Variants in SSX2IP observed in about 807,000 individuals in gnomAD.
SSX2IP encodes the protein afadin- and alpha-actinin-binding protein.
A neutral mutation model predicts 84.9 loss-of-function variants in SSX2IP; 55 were observed. The ratio of observed to expected loss-of-function variants is 0.65; its 90% CI spans 0.52 to 0.81. The LOEUF (loss-of-function observed/expected upper bound fraction) is 0.81, where lower values mean the gene tolerates loss of function less well. SSX2IP is among the 30% of genes least tolerant of loss of function. SSX2IP has a pLI of 0.00. For missense variants in SSX2IP, 664 were observed against 705.2 expected (o/e 0.94, Z 0.66); for synonymous variants, 239 against 234.7 (o/e 1.02, Z -0.17).
Position 84,647,509 on chromosome 1 carries a change from C to A in SSX2IP, c.1769G>T (p.Gly590Val). ...TCCACTATAGCAACCTTCCTGTGATCCAGGTCTTGATGCCACACTCCATTT... is the reference window on the plus strand; with the variant it reads ...TCCACTATAGCAACCTTCCTGTGATACAGGTCTTGATGCCACACTCCATTT... ...NQKWSVASRP[G>V]SQEGCYSGCS... The change falls in exon 14 of 14, where the codon GGA becomes GTA. Residue 590 changes from glycine to valine, a missense_variant. Coordinates refer to ENST00000342203, the MANE Select transcript of SSX2IP (RefSeq NM_001166293.2). 6.2e-7 allele frequency: 1 copy of A among 1,613,220 alleles called. No individual in the cohort carries two copies. Among genetic ancestry groups the A allele is most frequent in the Middle Eastern group, 1.7e-4 (1 of 6,058 alleles).
At position 84,646,501 on chromosome 1, in the gene SSX2IP, T is replaced by C. The variant is rs1007141035; in HGVS notation, c.*932A>G. ...AGTTAGTATACAGATATTACTATAC[T>C]GGTACCCATCTTGTAAGGAAAATAT... On this transcript the variant is annotated 3_prime_UTR_variant, in exon 14 of 14. Transcript: ENST00000342203. 1.3e-5 allele frequency: 2 copies of C among 152,748 alleles called. No homozygotes were observed. The highest frequency in any genetic ancestry group is 4.1e-4 in the South Asian group (2 of 4,826). 9.5% of individuals were successfully genotyped at this position (152,748 alleles called of 1,614,324 possible). A position where few individuals can be genotyped will look rare whatever the true frequency, so the allele number is the denominator to read the frequency against.
chr1:84,689,962 G>A (rs1001773666), intron 1 of SSX2IP, among the ~76,000 whole-genome samples: 2 of 151,684 alleles, frequency 1.3e-5, no homozygotes, highest in South Asian at 4.2e-4. Flanking sequence ...CATGCCCCAC[G>A]GCCGCTGCTG....
At chr1:84,675,129 A>T (rs1472007962) in intron 1 of SSX2IP, among the ~76,000 whole-genome samples, 3 of 152,260 alleles carry the variant, frequency 2.0e-5, no homozygotes, top group African/African-American at 7.2e-5. Context: ...TCACAAGCCC[A>T]TTTCAATTTG....
intron 3 of SSX2IP, chr1:84,670,280 T>C (rs1343151634): frequency 5.7e-6 from 1 of 175,482 alleles, no homozygotes; most frequent in Non-Finnish European, 1.2e-5. Context: ...TAGAAAACTA[T>C]CTTGAAATAG....
chr1:84,680,473 T>C (rs1011603901), intron 1 of SSX2IP: 3 of 152,104 alleles, frequency 2.0e-5, no homozygotes, highest in African/African-American at 7.3e-5. Flanking sequence ...TTAATAATTT[T>C]ATTAAATAAA....
At chr1:84,654,042 G>A (rs978398307) in intron 11 of SSX2IP, among the ~76,000 whole-genome samples, 5 of 152,050 alleles carry the variant, frequency 3.3e-5, no homozygotes, top group Non-Finnish European at 7.4e-5. Flanking sequence ...ATAAAGGTAA[G>A]AGAATATCCC....
intron 8 of SSX2IP, among the ~76,000 whole-genome samples, chr1:84,659,972 A>C (rs1570610777): frequency 6.6e-6 from 1 of 152,104 alleles, no homozygotes; most frequent in Non-Finnish European, 1.5e-5. Context: ...GGAGTTCGAG[A>C]CCAGCCTGGG....
intron 5 of SSX2IP, among the ~76,000 whole-genome samples, chr1:84,665,904 T>A (rs1474855069): frequency 6.6e-6 from 1 of 152,114 alleles, no homozygotes; most frequent in African/African-American, 2.4e-5. Context: ...TGAACTAATA[T>A]CTAAGCCAAA....
chr1:84,670,748 T>C lies in SSX2IP; in HGVS notation c.111A>G (p.Gln37=). Reference sequence around the variant, plus strand: ...ATAAAGGTATTGAAGAACATAGCACTTGCTGTGAGTATAAACTTGATGGAG... The same window carrying C: ...ATAAAGGTATTGAAGAACATAGCACCTGCTGTGAGTATAAACTTGATGGAG... ...KMSPSSLYSQ[Q]VLCSSIPLSK... Residue 37 remains glutamine, a synonymous_variant, in exon 3 of 14, where the codon CAA becomes CAG. Coordinates refer to ENST00000342203, the MANE Select transcript of SSX2IP (RefSeq NM_001166293.2). 1.2e-6 allele frequency: 2 copies of C among 1,613,102 alleles called. No individual in the cohort carries two copies. The highest frequency in any genetic ancestry group is 1.7e-6 in the Non-Finnish European group (2 of 1,179,366).
chr1:84,655,424 T>C (rs1346169196), intron 11 of SSX2IP: 1 of 1,289,226 alleles, frequency 7.8e-7, no homozygotes, highest in African/African-American at 1.5e-5. Flanking sequence ...ATAACAATGA[T>C]GGACTGGGGA....
intron 4 of SSX2IP, among the ~76,000 whole-genome samples, 189 bp from the exon 5 acceptor site, chr1:84,666,421 C>T (rs1652784536): frequency 6.6e-6 from 1 of 152,096 alleles, no homozygotes; most frequent in Non-Finnish European, 1.5e-5. Flanking sequence ...TTTAAACTTA[C>T]ACATCAAATT....
chr1:84,659,235 A>G (rs1442015534), intron 8 of SSX2IP, among the ~76,000 whole-genome samples: 3 of 152,234 alleles, frequency 2.0e-5, no homozygotes, highest in Admixed American at 6.5e-5. Context: ...AAAAGAAAGA[A>G]GGGCTGATTC....
intron 3 of SSX2IP, 113 bp from the exon 4 acceptor site, chr1:84,670,006 C>A: frequency 1.4e-6 from 1 of 698,546 alleles, no homozygotes; most frequent in Non-Finnish European, 2.4e-6. Flanking sequence ...TATTGTACAA[C>A]ACGGTGACCT....
At chr1:84,666,588 A>T (rs552977953) in intron 4 of SSX2IP, among the ~76,000 whole-genome samples, 2 of 152,266 alleles carry the variant, frequency 1.3e-5, no homozygotes, top group East Asian at 3.9e-4. Context: ...GATCTCCTCA[A>T]GTACAGCAAT....
In SSX2IP at chr1:84,669,294, C is replaced by G. The variant is rs1653196725; in HGVS notation, c.426+387G>C. On this transcript the variant is annotated intron_variant, in intron 4 of 13. Coordinates refer to ENST00000342203, the MANE Select transcript of SSX2IP (RefSeq NM_001166293.2). ...AATTATTGAGCCTTAGCTCATTTGGCATCACAGATGCCTCAATAATATTTT... is the reference window on the plus strand; with the variant it reads ...AATTATTGAGCCTTAGCTCATTTGGGATCACAGATGCCTCAATAATATTTT... Among the ~76,000 whole-genome samples the G allele has an allele frequency of 2.0e-5, 3 of 152,034 alleles. 1 individual carries two copies. The South Asian group carries it at 6.2e-4, about 32-fold the overall frequency.
chr1:84,664,290 T>C (rs1276282893), intron 6 of SSX2IP, 127 bp downstream of exon 6: 1 of 1,018,880 alleles, frequency 9.8e-7, no homozygotes, highest in Non-Finnish European at 1.3e-6. Context: ...CAAACACCAC[T>C]GAAAATCAAT....
intron 8 of SSX2IP, among the ~76,000 whole-genome samples, chr1:84,659,752 G>T (rs1398802617): frequency 6.8e-6 from 1 of 148,122 alleles, no homozygotes; most frequent in East Asian, 2.0e-4. Context: ...GAGCTGAGAT[G>T]TCACCACAGC....
chr1:84,663,995 T>C (rs908843729), intron 6 of SSX2IP, among the ~76,000 whole-genome samples: 2 of 152,198 alleles, frequency 1.3e-5, no homozygotes, highest in Admixed American at 1.3e-4. Context: ...GCTCCAAAAA[T>C]GTACAGCTAA....
intron 10 of SSX2IP, 30 bp downstream of exon 10, chr1:84,656,318 G>C: frequency 6.2e-7 from 1 of 1,600,922 alleles, no homozygotes; most frequent in Middle Eastern, 2.3e-4. Context: ...TTTTCATGGA[G>C]AACAGCTTTA....
Sources: gnomAD v4.1 joint callset for allele counts (sites outside exome capture counted in the v4.1 genomes callset) on GRCh38, gnomAD v4.1.1 for gene constraint, MANE v1.5 for transcripts, NCBI Gene and HGNC (gene_info 2026-07-23, HGNC 2026-07-21) for gene names.